The following SEMA6D variants were observed in gnomAD, a reference collection of about 807,000 sequenced individuals.
SEMA6D encodes semaphorin 6D, also known as semaphorin-6D.
A neutral mutation model predicts 106.6 loss-of-function variants in SEMA6D; 35 were observed. The ratio of observed to expected loss-of-function variants is 0.33; its 90% CI spans 0.25 to 0.44. The LOEUF (loss-of-function observed/expected upper bound fraction) is 0.44, where lower values mean the gene tolerates loss of function less well. Ranked by LOEUF, SEMA6D falls within the 20% of genes least tolerant of loss-of-function variation. The pLI, the probability that SEMA6D is intolerant of heterozygous loss-of-function variation, is 1.00. For missense variants in SEMA6D, 1,185 were observed against 1,345.9 expected (o/e 0.88, Z 1.87); for synonymous variants, 499 against 487.7 (o/e 1.02, Z -0.31).
At chr15:47,407,426 AC>A (rs899897865) in intron 1 of SEMA6D, among the ~76,000 whole-genome samples, 8 of 151,420 alleles carry the variant, frequency 5.3e-5, no homozygotes, top group African/African-American at 1.4e-4. Context: ...AACAAAAAAA[AC>A]AAACAAAAAT....
chr15:47,371,960 G>C (rs1048779327), intron 1 of SEMA6D, among the ~76,000 whole-genome samples: 1 of 152,204 alleles, frequency 6.6e-6, no homozygotes, highest in Non-Finnish European at 1.5e-5. Flanking sequence ...CCAGTAACGT[G>C]TTTAAGGTCA....
Position 47,680,501 on chromosome 15 carries a change from A to AC in SEMA6D, c.-54-79243dup, listed in dbSNP as rs561392435. On this transcript the variant is annotated intron_variant, in intron 4 of 19. Coordinates refer to the SEMA6D transcript ENST00000558014. ...GCATATTGCCCTTTCCTGGTGATAC[A>AC]CATGCATTGAAAAGACTTTTTACCC... Among the ~76,000 whole-genome samples, 991 of 152,314 alleles carry AC rather than the reference A, an allele frequency of 6.5e-3. 16 individuals are homozygous for AC. The highest frequency in any genetic ancestry group is 0.022 in the African/African-American group (923 of 41,564).
chr15:47,455,650 A>G (rs1399602103), intron 2 of SEMA6D, among the ~76,000 whole-genome samples: 1 of 151,964 alleles, frequency 6.6e-6, no homozygotes, highest in African/African-American at 2.4e-5. Flanking sequence ...GTCCTCACCT[A>G]TCTTCATTGC....
chr15:47,227,964 T>TTATATATATTTTA (rs1566938501), intron 1 of SEMA6D, among the ~76,000 whole-genome samples: 1 of 142,696 alleles, frequency 7.0e-6, no homozygotes, highest in Non-Finnish European at 1.5e-5. Flanking sequence ...TGTAAGAATC[T>TTATATATATTTTA]TATATATATT....
At chr15:47,323,648 T>C (rs62000222) in intron 1 of SEMA6D, among the ~76,000 whole-genome samples, 70,239 of 152,030 alleles carry the variant, frequency 0.46, 19,587 homozygotes, top group South Asian at 0.61. Context: ...GGCTTTAAAC[T>C]ATCCTTGGCT....
chr15:47,664,922 G>A lies in SEMA6D; in HGVS notation c.-55+64026G>A, dbSNP rs1030608956. ...CCAGTGAATAACCTCAGCAAGCATG[G>A]CTGCTACAAACCTCCCACTGCAATT... On this transcript the variant is annotated intron_variant, in intron 4 of 19. Coordinates refer to the SEMA6D transcript ENST00000558014. 3.3e-5 allele frequency among the ~76,000 whole-genome samples: 5 copies of A among 152,154 alleles called. No homozygotes were observed. The South Asian group carries it at 1.0e-3, about 32-fold the overall frequency.
intron 1 of SEMA6D, among the ~76,000 whole-genome samples, chr15:47,267,338 T>C (rs2034364495): frequency 6.6e-6 from 1 of 152,052 alleles, no homozygotes; most frequent in South Asian, 2.1e-4. Flanking sequence ...GAAGTAACTT[T>C]ATGTTTTTTT....
intron 4 of SEMA6D, among the ~76,000 whole-genome samples, chr15:47,653,383 A>G (rs1036521735): frequency 6.6e-5 from 10 of 152,196 alleles, no homozygotes; most frequent in Non-Finnish European, 1.0e-4. Flanking sequence ...AGCAGAGAAA[A>G]TCGACTGCTG....
At chr15:47,369,394 A>G (rs1277080381) in intron 1 of SEMA6D, among the ~76,000 whole-genome samples, 1 of 152,210 alleles carries the variant, frequency 6.6e-6, no homozygotes, top group Non-Finnish European at 1.5e-5. Context: ...ACAATAGTTT[A>G]TATATTTTTA....
At chr15:47,364,933 C>CA (rs1179283488) in intron 1 of SEMA6D, among the ~76,000 whole-genome samples, 2 of 152,032 alleles carry the variant, frequency 1.3e-5, no homozygotes, top group African/African-American at 2.4e-5. Context: ...CACAAAAGAT[C>CA]AAAAGAAAAG....
chr15:47,546,344 G>A (rs1364457873), intron 3 of SEMA6D, among the ~76,000 whole-genome samples: 1 of 152,092 alleles, frequency 6.6e-6, no homozygotes, highest in African/African-American at 2.4e-5. Flanking sequence ...TATACAAGTA[G>A]AAAGTAATAT....
intron 4 of SEMA6D, among the ~76,000 whole-genome samples, chr15:47,652,459 C>T (rs1285381611): frequency 1.3e-5 from 2 of 152,124 alleles, no homozygotes; most frequent in Non-Finnish European, 2.9e-5. Flanking sequence ...CAGACCCCCT[C>T]CTCACCCCGC....
chr15:47,759,392 G>A lies in SEMA6D; in HGVS notation c.-54-353G>A, dbSNP rs558743344. 5.3e-5 allele frequency among the ~76,000 whole-genome samples: 8 copies of A among 152,250 alleles called. No homozygotes were observed. The South Asian group carries it at 1.7e-3, about 32-fold the overall frequency. ...TTTCAGGACTGGGGGAAGGGAAGAG[G>A]ATTGGAATTTAATTAAAATTCTTAT... On this transcript the variant is annotated intron_variant, in intron 1 of 18. Coordinates refer to ENST00000536845, the MANE Select transcript of SEMA6D (RefSeq NM_001358351.3).
intron 2 of SEMA6D, among the ~76,000 whole-genome samples, chr15:47,462,602 A>G (rs557943862): frequency 6.6e-6 from 1 of 152,258 alleles, no homozygotes; most frequent in Non-Finnish European, 1.5e-5. Flanking sequence ...GTAATGAACT[A>G]GAGTTAAAAC....
intron 1 of SEMA6D, among the ~76,000 whole-genome samples, chr15:47,722,653 C>T (rs1199495601): frequency 1.3e-5 from 2 of 152,048 alleles, no homozygotes; most frequent in Non-Finnish European, 2.9e-5. Context: ...GGGAGACTGC[C>T]TCATGTTTGG....
At chr15:47,588,697 C>A (rs1231035658) in intron 3 of SEMA6D, among the ~76,000 whole-genome samples, 1 of 152,122 alleles carries the variant, frequency 6.6e-6, no homozygotes, top group Non-Finnish European at 1.5e-5. Context: ...AAAGTAAAGT[C>A]CCTGGAAGAA....
At chr15:47,394,717 T>C (rs1490072732) in intron 1 of SEMA6D, among the ~76,000 whole-genome samples, 1 of 152,196 alleles carries the variant, frequency 6.6e-6, no homozygotes. Context: ...GAGTTATAAA[T>C]GATTGTCTGT....
intron 3 of SEMA6D, among the ~76,000 whole-genome samples, chr15:47,478,782 A>T (rs923389427): frequency 6.6e-6 from 1 of 152,164 alleles, no homozygotes; most frequent in Non-Finnish European, 1.5e-5. Context: ...CAACATTGGG[A>T]AATTTTATAA....
chr15:47,573,900 C>G (rs991959346), intron 3 of SEMA6D, among the ~76,000 whole-genome samples: 1 of 152,164 alleles, frequency 6.6e-6, no homozygotes, highest in African/African-American at 2.4e-5. Flanking sequence ...TCAACATATC[C>G]CTCATTTCTG....
Sources: allele counts gnomAD v4.1 joint callset (sites outside exome capture counted in the v4.1 genomes callset), GRCh38; gene constraint gnomAD v4.1.1; transcripts MANE v1.5; gene names NCBI Gene and HGNC (gene_info 2026-07-23, HGNC 2026-07-21).